The following NR2F1-AS1 variants were observed in gnomAD, a reference collection of about 807,000 sequenced individuals.
The protein encoded by NR2F1-AS1 is NR2F1 regulatory antisense RNA 1.
intron 4 of NR2F1-AS1, among the ~76,000 whole-genome samples, chr5:93,482,773 C>T (rs1040920574): frequency 5.3e-5 from 8 of 152,168 alleles, no homozygotes; most frequent in Non-Finnish European, 7.3e-5. Context: ...GAGGGAGAGG[C>T]GTCCACCATT....
chr5:93,421,564 CT>C (rs1749089290), intron 4 of NR2F1-AS1, among the ~76,000 whole-genome samples: 2 of 152,160 alleles, frequency 1.3e-5, no homozygotes, highest in African/African-American at 4.8e-5. Context: ...CCTACTCGGG[CT>C]TTTCAGCTGC....
intron 4 of NR2F1-AS1, among the ~76,000 whole-genome samples, chr5:93,425,143 C>T (rs559945626): frequency 6.6e-6 from 1 of 152,112 alleles, no homozygotes; most frequent in African/African-American, 2.4e-5. Flanking sequence ...TAGTTCCGTC[C>T]GAGCTGACAC....
rs1561446527 is a variant in NR2F1-AS1 at position 93,455,742 on chromosome 5, G to GAC, written n.639-60201_639-60200insGT. Among the ~76,000 whole-genome samples, 24 of 151,708 alleles carry GAC rather than the reference G, an allele frequency of 1.6e-4. No homozygotes were observed. In the South Asian group the frequency reaches 5.0e-3, roughly 32 times the overall value. ...AACACACACATATACAAACACAAAG[G>GAC]ATCATCTCAAAAGACATAGAAAAAG... is the stretch of plus-strand genomic sequence containing the variant. On this transcript the variant is annotated intron_variant and non_coding_transcript_variant, in intron 4 of 5. Coordinates refer to ENST00000660523, the Ensembl canonical transcript of NR2F1-AS1.
At chr5:93,584,845 G>GACGGAGCTGA (rs1753197286), upstream of NR2F1-AS1, 1 of 158,248 alleles carries the variant, frequency 6.3e-6, no homozygotes. Context: ...CGGCGGCGGC[G>GACGGAGCTGA]GAGGCAGCGG....
intron 4 of NR2F1-AS1, among the ~76,000 whole-genome samples, chr5:93,455,509 G>A (rs973659113): frequency 5.9e-5 from 9 of 152,052 alleles, no homozygotes; most frequent in Non-Finnish European, 4.4e-5. Context: ...AACAACATTA[G>A]AGACTGCCAG....
intron 4 of NR2F1-AS1, among the ~76,000 whole-genome samples, chr5:93,444,507 A>C (rs562270033): frequency 6.6e-6 from 1 of 152,328 alleles, no homozygotes; most frequent in East Asian, 1.9e-4. Flanking sequence ...TAACTATCCT[A>C]AATATATATG....
intron 4 of NR2F1-AS1, among the ~76,000 whole-genome samples, chr5:93,545,777 G>T (rs1247865444): frequency 6.6e-6 from 1 of 152,188 alleles, no homozygotes; most frequent in Non-Finnish European, 1.5e-5. Flanking sequence ...AACCTCAGTT[G>T]TTAAACATTT....
At chr5:93,580,743 TTC>T (rs1400450773) in exon 1 of NR2F1-AS1, 2 of 152,394 alleles carry the variant, frequency 1.3e-5, no homozygotes, top group African/African-American at 2.4e-5. Flanking sequence ...TTTCTTTTCT[TTC>T]TTTTCTTTTG....
intron 2 of NR2F1-AS1, among the ~76,000 whole-genome samples, chr5:93,555,199 C>T (rs183217926): frequency 1.8e-4 from 27 of 152,238 alleles, no homozygotes; most frequent in Middle Eastern, 6.8e-3. Flanking sequence ...ATTTCTACAA[C>T]GCCTAGCCGA....
upstream of NR2F1-AS1, chr5:93,584,308 ACCT>A (rs1208545571): frequency 2.0e-5 from 3 of 147,966 alleles, no homozygotes; most frequent in Non-Finnish European, 3.0e-5. Flanking sequence ...TGCAGCCGCG[ACCT>A]CCTCCTCCTC....
chr5:93,428,830 T>C (rs1247611507), intron 4 of NR2F1-AS1, among the ~76,000 whole-genome samples: 3 of 152,206 alleles, frequency 2.0e-5, no homozygotes, highest in Non-Finnish European at 2.9e-5. Context: ...TAAAACTGAA[T>C]AATTTAGTAG....
chr5:93,459,096 G>A (rs920062570), intron 4 of NR2F1-AS1, among the ~76,000 whole-genome samples: 15 of 151,918 alleles, frequency 9.9e-5, no homozygotes, highest in African/African-American at 2.9e-4. Flanking sequence ...AAATGACTTC[G>A]GACTCGTATC....
intron 4 of NR2F1-AS1, among the ~76,000 whole-genome samples, chr5:93,528,569 A>G (rs977683868): frequency 5.9e-5 from 9 of 152,210 alleles, no homozygotes; most frequent in African/African-American, 2.2e-4. Flanking sequence ...AAAGGATTAT[A>G]AATCATTCTA....
intron 2 of NR2F1-AS1, among the ~76,000 whole-genome samples, chr5:93,562,624 C>T (rs977875128): frequency 6.6e-6 from 1 of 152,090 alleles, no homozygotes; most frequent in African/African-American, 2.4e-5. Flanking sequence ...AAAAAGTGAA[C>T]AGCAAGGAAA....
intron 1 of NR2F1-AS1, among the ~76,000 whole-genome samples, chr5:93,569,717 G>C (rs1184477152): frequency 6.6e-6 from 1 of 152,218 alleles, no homozygotes; most frequent in Admixed American, 6.5e-5. Flanking sequence ...TTACCTCTAA[G>C]ATGACATCTT....
At chr5:93,561,098 A>G (rs1020336807) in intron 2 of NR2F1-AS1, among the ~76,000 whole-genome samples, 4 of 152,086 alleles carry the variant, frequency 2.6e-5, no homozygotes, top group Admixed American at 1.3e-4. Context: ...ACATGGAGAA[A>G]CTCCATCTCT....
intron 4 of NR2F1-AS1, among the ~76,000 whole-genome samples, chr5:93,519,054 T>G (rs1018316476): frequency 2.0e-5 from 3 of 152,058 alleles, no homozygotes; most frequent in African/African-American, 7.2e-5. Context: ...TAAGAAAAAT[T>G]TGCATATGGT....
intron 2 of NR2F1-AS1, among the ~76,000 whole-genome samples, chr5:93,558,967 G>A (rs1187110285): frequency 6.6e-6 from 1 of 152,204 alleles, no homozygotes; most frequent in Non-Finnish European, 1.5e-5. Flanking sequence ...AATGGCAAAT[G>A]AGCATTGGCT....
At chr5:93,541,530 TCAGTTTC>T (rs1313042522) in intron 4 of NR2F1-AS1, among the ~76,000 whole-genome samples, 1 of 152,130 alleles carries the variant, frequency 6.6e-6, no homozygotes, top group African/African-American at 2.4e-5. Context: ...AATCACCAAC[TCAGTTTC>T]TTACTGCTTG....
Sources: allele counts gnomAD v4.1 joint callset (sites outside exome capture counted in the v4.1 genomes callset), GRCh38; gene constraint gnomAD v4.1.1; transcripts MANE v1.5; gene names NCBI Gene and HGNC (gene_info 2026-07-23, HGNC 2026-07-21).